The following EBF2 variants were observed in gnomAD, a reference collection of about 807,000 sequenced individuals.
The protein encoded by EBF2 is EBF transcription factor 2, also known as transcription factor COE2.
Under a neutral mutation model 72.8 loss-of-function variants are expected in EBF2, and 21 were observed. That is an observed-to-expected ratio of 0.29 (90% CI 0.20 to 0.42). EBF2 has a LOEUF of 0.42. EBF2 is among the 10% of genes least tolerant of loss of function. The probability of loss-of-function intolerance (pLI) is 1.00; values close to 1 mark genes in which losing one functional copy is unlikely to be tolerated. For missense variants in EBF2, 637 were observed against 731.2 expected, an observed-to-expected ratio of 0.87 and a Z score of 1.49; for synonymous variants, 299 against 274.2, an observed-to-expected ratio of 1.09 and a Z score of -0.89.
chr8:25,946,177 T>C (rs1467766566), intron 6 of EBF2, among the ~76,000 whole-genome samples: 1 of 152,254 alleles, frequency 6.6e-6, no homozygotes, highest in Non-Finnish European at 1.5e-5. Flanking sequence ...TCCTATGCCT[T>C]TCTCATCAAT....
At chr8:26,030,476 A>C (rs1233758476) in intron 6 of EBF2, among the ~76,000 whole-genome samples, 1 of 152,114 alleles carries the variant, frequency 6.6e-6, no homozygotes, top group Non-Finnish European at 1.5e-5. Flanking sequence ...CCTAATGTTA[A>C]ATGATGAATT....
rs942784069 is a variant in EBF2 at position 26,002,419 on chromosome 8, C to T, written c.551+30666G>A. Reference sequence around the variant, plus strand: ...TCACTGCGAGGCAGCCAGCGCCGAGCCTACCCAACGCCTTTTGTAGCCCAG... The same window carrying T: ...TCACTGCGAGGCAGCCAGCGCCGAGTCTACCCAACGCCTTTTGTAGCCCAG... On this transcript the variant is annotated intron_variant, in intron 6 of 15. Transcript: ENST00000520164. Among the ~76,000 whole-genome samples, 5 of 152,234 alleles carry T rather than the reference C, an allele frequency of 3.3e-5. No homozygotes were observed. In the East Asian group the frequency reaches 9.6e-4, roughly 29 times the overall value.
intron 13 of EBF2, 125 bp from the exon 14 acceptor site, chr8:25,858,629 G>A (rs1802146085): frequency 3.2e-6 from 2 of 620,074 alleles, no homozygotes; most frequent in Admixed American, 3.2e-5. Context: ...GCAGTTGTAG[G>A]AAGTGTGCAG....
intron 7 of EBF2, among the ~76,000 whole-genome samples, chr8:25,906,891 G>A (rs1803042366): frequency 6.6e-6 from 1 of 152,162 alleles, no homozygotes; most frequent in Non-Finnish European, 1.5e-5. Context: ...AATGAAAAAT[G>A]TTCCTGTCAC....
intron 6 of EBF2, among the ~76,000 whole-genome samples, chr8:25,939,689 T>C (rs1171804824): frequency 6.6e-6 from 1 of 152,212 alleles, no homozygotes; most frequent in Non-Finnish European, 1.5e-5. Flanking sequence ...AATGTGTCCC[T>C]CTATGTGACC....
At chr8:25,885,161 G>A (rs1252728172) in intron 10 of EBF2, among the ~76,000 whole-genome samples, 1 of 150,908 alleles carries the variant, frequency 6.6e-6, no homozygotes, top group Non-Finnish European at 1.5e-5. Context: ...AACCCTCAAT[G>A]CCTTCTTATT....
chr8:25,852,672 T>C (rs946895408), intron 14 of EBF2, among the ~76,000 whole-genome samples: 2 of 152,228 alleles, frequency 1.3e-5, no homozygotes, highest in African/African-American at 2.4e-5. Context: ...CGTGAAGGAA[T>C]TGTTGCAGAG....
At chr8:26,027,608 C>T (rs936702725) in intron 6 of EBF2, among the ~76,000 whole-genome samples, 4 of 156 alleles carry the variant, frequency 0.026, no homozygotes, top group Non-Finnish European at 0.016. Context: ...TCCAGCAATT[C>T]CACTTCTGGG....
chr8:25,891,246 G>A (rs1802774054), intron 7 of EBF2, among the ~76,000 whole-genome samples: 1 of 152,268 alleles, frequency 6.6e-6, no homozygotes, highest in African/African-American at 2.4e-5. Context: ...TATCAGCAAA[G>A]GCTGGCCAAG....
rs1471279931 is a variant in EBF2 at position 26,044,331 on chromosome 8, G to T, written c.131+398C>A. On this transcript the variant is annotated intron_variant, in intron 1 of 15. Coordinates refer to ENST00000520164, the MANE Select transcript of EBF2 (RefSeq NM_022659.4). This position sits in a 1 kb window ranked among gnomAD's most constrained non-coding sequence, Gnocchi z 4.1. ...AGGCGGCGTGGCGAAGCCAAGAGTG[G>T]CCAGGAAGCCGGCTTTCCTCCCGCG... Among the ~76,000 whole-genome samples, 1 of 152,258 alleles carries T rather than the reference G, an allele frequency of 6.6e-6. No individual in the cohort carries two copies. The highest frequency in any genetic ancestry group is 1.5e-5 in the Non-Finnish European group (1 of 68,048).
chr8:25,975,661 T>C (rs904024508), intron 6 of EBF2, among the ~76,000 whole-genome samples: 1 of 152,222 alleles, frequency 6.6e-6, no homozygotes. Flanking sequence ...GAGTCTTTCA[T>C]CTTTTGCTTG....
chr8:25,955,367 T>C (rs1009998808), intron 6 of EBF2, among the ~76,000 whole-genome samples: 4 of 152,160 alleles, frequency 2.6e-5, no homozygotes, highest in African/African-American at 4.8e-5. Context: ...TAAATTCAGG[T>C]GGGGGCCTTG....
intron 7 of EBF2, among the ~76,000 whole-genome samples, chr8:25,896,828 TCAATC>T (rs964542935): frequency 4.6e-5 from 7 of 152,212 alleles, no homozygotes; most frequent in Non-Finnish European, 1.0e-4. Context: ...CTCCATTAAT[TCAATC>T]CAGGCTAACA....
At chr8:25,943,720 G>A (rs903945175) in intron 6 of EBF2, among the ~76,000 whole-genome samples, 1 of 152,100 alleles carries the variant, frequency 6.6e-6, no homozygotes, top group African/African-American at 2.4e-5. Context: ...GAGGTTAGCT[G>A]GGGAGCCTTG....
At chr8:25,937,713 C>G (rs1056424428) in intron 6 of EBF2, among the ~76,000 whole-genome samples, 19 of 152,164 alleles carry the variant, frequency 1.2e-4, no homozygotes, top group African/African-American at 3.9e-4. Flanking sequence ...CATGTCACAA[C>G]AGTTTGGCAT....
At chr8:25,927,378 A>G (rs1803404388) in intron 6 of EBF2, among the ~76,000 whole-genome samples, 1 of 149,270 alleles carries the variant, frequency 6.7e-6, no homozygotes, top group Admixed American at 6.8e-5. Flanking sequence ...TGTATGTTAT[A>G]TATATTATAT....
At chr8:25,968,276 G>T (rs1300357927) in intron 6 of EBF2, among the ~76,000 whole-genome samples, 1 of 152,104 alleles carries the variant, frequency 6.6e-6, no homozygotes, top group Non-Finnish European at 1.5e-5. Flanking sequence ...AATGGTAGAA[G>T]CAACCTGAAG....
At chr8:25,975,021 A>G (rs966185092) in intron 6 of EBF2, among the ~76,000 whole-genome samples, 1 of 152,214 alleles carries the variant, frequency 6.6e-6, no homozygotes, top group African/African-American at 2.4e-5. Context: ...TACCAGAGAA[A>G]CAAAGCAAAG....
chr8:25,933,804 A>T (rs1803526111), intron 6 of EBF2, among the ~76,000 whole-genome samples: 1 of 152,218 alleles, frequency 6.6e-6, no homozygotes, highest in South Asian at 2.1e-4. Flanking sequence ...ACGAAACAGT[A>T]AACATAAGAT....
Sources: allele counts gnomAD v4.1 joint callset (sites outside exome capture counted in the v4.1 genomes callset), GRCh38; gene constraint gnomAD v4.1.1; non-coding constraint Gnocchi (gnomAD v3.1); transcripts MANE v1.5; gene names NCBI Gene and HGNC (gene_info 2026-07-23, HGNC 2026-07-21).